The following PRH1 variants were observed in gnomAD, a reference collection of about 807,000 sequenced individuals.
PRH1 encodes salivary acidic proline-rich phosphoprotein 1/2.
Under a neutral mutation model 7.9 loss-of-function variants are expected in PRH1, and 7 were observed. The observed-to-expected ratio is 0.89, with a 90% CI of 0.50 to 1.67. PRH1 has a LOEUF of 1.67. Ranked by LOEUF, PRH1 falls within the 40% of genes most tolerant of loss-of-function variation. The pLI is 0.00. For missense variants in PRH1, 109 were observed against 223.6 expected, an observed-to-expected ratio of 0.49 and a Z score of 3.27; for synonymous variants, 45 against 80.8, an observed-to-expected ratio of 0.56 and a Z score of 2.38.
At chr12:10,985,261 A>G (rs1480225115) in intron 1 of PRH1, among the ~76,000 whole-genome samples, 1 of 151,980 alleles carries the variant, frequency 6.6e-6, no homozygotes, top group Non-Finnish European at 1.5e-5. Flanking sequence ...ACATATTTGT[A>G]TTAAGTCTAT....
At chr12:11,036,816 G>T (rs1942448877) in intron 1 of PRH1, among the ~76,000 whole-genome samples, 1 of 152,166 alleles carries the variant, frequency 6.6e-6, no homozygotes, top group Non-Finnish European at 1.5e-5. Flanking sequence ...ACCACTTCAT[G>T]ATATAGATGA....
intron 2 of PRH1, among the ~76,000 whole-genome samples, chr12:10,900,921 T>C (rs1949714117): frequency 6.6e-6 from 1 of 152,148 alleles, no homozygotes; most frequent in African/African-American, 2.4e-5. Flanking sequence ...TTGACGTAGG[T>C]CATGGTGCAA....
chr12:11,083,241 A>T (rs1487429179), intron 1 of PRH1, among the ~76,000 whole-genome samples: 1 of 111,548 alleles, frequency 9.0e-6, no homozygotes, highest in Non-Finnish European at 2.1e-5. Flanking sequence ...ATTGGAAAGA[A>T]GAAAAAAGGT....
At position 11,091,466 on chromosome 12, in the gene PRH1, A is replaced by G. The variant is rs771590673; in HGVS notation, n.124-44278T>C. 2.3e-6 allele frequency: 3 copies of G among 1,280,242 alleles called. No individual in the cohort carries two copies. In the South Asian group the frequency reaches 3.5e-5, roughly 15 times the overall value. 79.3% of individuals were successfully genotyped at this position (1,280,242 alleles called of 1,614,324 possible). ...GAACATGAAGACAGGTTTGTTTTCCAGACTTCCAAAACTCCAAACTGATAT... is the reference window on the plus strand; with the variant it reads ...GAACATGAAGACAGGTTTGTTTTCCGGACTTCCAAAACTCCAAACTGATAT... On this transcript the variant is annotated intron_variant and non_coding_transcript_variant, in intron 1 of 4. Transcript: ENST00000541977.
intron 2 of PRH1, among the ~76,000 whole-genome samples, chr12:10,971,787 A>G (rs1938825838): frequency 6.6e-6 from 1 of 152,116 alleles, no homozygotes; most frequent in South Asian, 2.1e-4. Context: ...ATTAAACTTA[A>G]CATTTTATAA....
intron 1 of PRH1, chr12:11,077,493 C>T: frequency 9.9e-7 from 1 of 1,007,896 alleles, no homozygotes; most frequent in Non-Finnish European, 1.4e-6. Flanking sequence ...TTCAAAGATT[C>T]CAGGTTAATG....
intron 1 of PRH1, among the ~76,000 whole-genome samples, chr12:11,126,470 CTGTATAGTATTCTAT>C (rs1263168210): frequency 6.6e-6 from 1 of 152,238 alleles, no homozygotes; most frequent in South Asian, 2.1e-4. Context: ...ATTTTGATTG[CTGTATAGTATTCTAT>C]TGTATGACTA....
intron 2 of PRH1, among the ~76,000 whole-genome samples, chr12:10,929,812 A>G (rs73042395): frequency 0.03 from 4,615 of 152,264 alleles, 124 homozygotes; most frequent in Admixed American, 0.084. Flanking sequence ...CACCAGAGTG[A>G]AATATTGTCA....
chr12:11,162,396 G>A (rs1307400716), intron 1 of PRH1, among the ~76,000 whole-genome samples: 1 of 152,158 alleles, frequency 6.6e-6, no homozygotes, highest in Non-Finnish European at 1.5e-5. Context: ...ACTTTGAAGT[G>A]AAGATATATA....
chr12:11,126,543 C>T (rs946710252), intron 1 of PRH1, among the ~76,000 whole-genome samples: 1 of 152,166 alleles, frequency 6.6e-6, no homozygotes, highest in Non-Finnish European at 1.5e-5. Flanking sequence ...ATTTGACAGA[C>T]TTGTCAACTT....
intron 1 of PRH1, among the ~76,000 whole-genome samples, chr12:10,990,052 C>CA (rs1292387116): frequency 1.3e-5 from 2 of 152,156 alleles, no homozygotes; most frequent in Non-Finnish European, 2.9e-5. Flanking sequence ...CTGGAGGAAT[C>CA]ACATCACCTG....
chr12:11,121,300 A>T (rs936554131), intron 1 of PRH1: 5 of 152,228 alleles, frequency 3.3e-5, no homozygotes, highest in Non-Finnish European at 4.4e-5. Flanking sequence ...GATTAGACAG[A>T]TAATTTGTAA....
chr12:11,049,610 T>C (rs1354396212), upstream of PRH1, among the ~76,000 whole-genome samples: 2 of 152,210 alleles, frequency 1.3e-5, no homozygotes, highest in Non-Finnish European at 2.9e-5. Context: ...TTAATTGTTT[T>C]GCAATTGTTG....
chr12:11,046,291 T>C (rs1438828138), intron 1 of PRH1, among the ~76,000 whole-genome samples: 1 of 152,176 alleles, frequency 6.6e-6, no homozygotes. Context: ...TCACTGTGCT[T>C]GATGATAACT....
chr12:11,115,845 C>T (rs1255515306), downstream of PRH1, among the ~76,000 whole-genome samples: 2 of 151,816 alleles, frequency 1.3e-5, no homozygotes, highest in Non-Finnish European at 2.9e-5. Context: ...ATGCTAGAAA[C>T]AAATGATAGT....
chr12:10,983,183 G>A (rs779238051), intron 1 of PRH1, among the ~76,000 whole-genome samples: 7 of 152,170 alleles, frequency 4.6e-5, no homozygotes, highest in Middle Eastern at 3.2e-3. Context: ...AACTCCTAGC[G>A]AATTAGTGGA....
At chr12:10,944,294 T>G (rs1026990899) in intron 2 of PRH1, among the ~76,000 whole-genome samples, 4 of 152,200 alleles carry the variant, frequency 2.6e-5, no homozygotes, top group African/African-American at 9.6e-5. Flanking sequence ...AATTTTTCAC[T>G]TCCCTCGTTT....
chr12:11,080,409 G>T (rs80283676), intron 1 of PRH1, among the ~76,000 whole-genome samples: 245 of 78,388 alleles, frequency 3.1e-3, no homozygotes, highest in Admixed American at 4.3e-3. Context: ...GCTTGTTTTT[G>T]AGCTATTATG....
chr12:11,113,589 T>C (rs1945650572), intron 1 of PRH1, among the ~76,000 whole-genome samples: 2 of 152,122 alleles, frequency 1.3e-5, no homozygotes, highest in South Asian at 4.1e-4. Context: ...AACTTAAATG[T>C]AATATCCAAA....
Sources: gnomAD v4.1 joint callset for allele counts (sites outside exome capture counted in the v4.1 genomes callset) on GRCh38, gnomAD v4.1.1 for gene constraint, MANE v1.5 for transcripts, NCBI Gene and HGNC (gene_info 2026-07-23, HGNC 2026-07-21) for gene names.